Variants in ZNF222 observed in about 807,000 individuals in gnomAD.
ZNF222 encodes zinc finger protein 222.
ZNF222 carries 8 observed loss-of-function variants against 11.6 expected under a neutral mutation model. The observed-to-expected ratio is 0.69, with a 90% CI of 0.41 to 1.25. The LOEUF (loss-of-function observed/expected upper bound fraction) is 1.25. Ranked by LOEUF, ZNF222 falls within the 50% of genes most tolerant of loss-of-function variation. The pLI is 0.01. For missense variants in ZNF222, 483 were observed against 576.1 expected (o/e 0.84, Z 1.65); for synonymous variants, 171 against 195.6 (o/e 0.87, Z 1.05).
chr19:44,029,947 T>C (rs1599859742), intron 3 of ZNF222, among the ~76,000 whole-genome samples: 1 of 152,250 alleles, frequency 6.6e-6, no homozygotes, highest in East Asian at 1.9e-4. Flanking sequence ...AAGCAATTCA[T>C]GTAATGACAT....
intron 3 of ZNF222, among the ~76,000 whole-genome samples, chr19:44,029,191 G>GTTTTTTTTTTTTT (rs1171435860): frequency 5.8e-4 from 36 of 62,022 alleles, no homozygotes; most frequent in East Asian, 1.1e-3. Flanking sequence ...GTTTTGTTTT[G>GTTTTTTTTTTTTT]TTTTTTTTTT....
At position 44,025,524 on chromosome 19, in the gene ZNF222, C is replaced by T. The variant is rs1976337326; in HGVS notation, c.42+46C>T. The T allele has an allele frequency of 6.6e-7, 1 of 1,522,432 alleles. No individual in the cohort carries two copies. The highest frequency in any genetic ancestry group is 8.8e-7 in the Non-Finnish European group (1 of 1,133,714). The allele number at this position is 1,522,432 out of a possible 1,614,324, so 94.3% of individuals were successfully genotyped here. A position where few individuals can be genotyped will look rare whatever the true frequency, so the allele number is the denominator to read the frequency against. ...GGATTGCCGTTCCAGTCAGCTGAGC[C>T]TTCTGGCGTCGGGGGGCTCTGCTAG... On this transcript the variant is annotated intron_variant, in intron 1 of 3. Coordinates refer to ENST00000391960, the MANE Select transcript of ZNF222 (RefSeq NM_001129996.2). This position sits in a 1 kb window ranked among gnomAD's most constrained non-coding sequence, Gnocchi z 4.6.
At chr19:44,026,479 T>G (rs190870496) in intron 1 of ZNF222, among the ~76,000 whole-genome samples, 1 of 152,054 alleles carries the variant, frequency 6.6e-6, no homozygotes, top group African/African-American at 2.4e-5. Context: ...GAGTTTTTGT[T>G]TGTTTGCTTT....
In ZNF222 at chr19:44,026,062, T is replaced by C. The variant is rs1459371484; in HGVS notation, c.42+584T>C. 3.1e-6 allele frequency: 5 copies of C among 1,613,618 alleles called. No homozygotes were observed. The African/African-American group carries it at 5.3e-5, about 17-fold the overall frequency. The stretch of plus-strand genomic sequence containing the variant: ...TAAAAGAGCTGCAGGAAGGGACTTC[T>C]TGGCTACTGATGGCAAAGCTCTACG... On this transcript the variant is annotated intron_variant, in intron 1 of 3. Transcript: ENST00000391960.
At chr19:44,031,790 A>G (rs947168373) in intron 3 of ZNF222, 27 bp from the exon 4 acceptor site, 1 of 1,598,454 alleles carries the variant, frequency 6.3e-7, no homozygotes. Flanking sequence ...CTACTTGTCC[A>G]CATGTCTTAA....
In ZNF222 at chr19:44,027,169, G is replaced by A. The variant is rs571942494; in HGVS notation, c.169+20G>A. Reference sequence around the variant, plus strand: ...CAGTGGGTGAGGACGGGCACCCCCTGTAATGGAATGTCAGGCCCCAGGAGT... The same window carrying A: ...CAGTGGGTGAGGACGGGCACCCCCTATAATGGAATGTCAGGCCCCAGGAGT... On this transcript the variant is annotated intron_variant, in intron 2 of 3. Coordinates refer to ENST00000391960, the MANE Select transcript of ZNF222 (RefSeq NM_001129996.2). The A allele has an allele frequency of 7.4e-6, 12 of 1,613,394 alleles. No homozygotes were observed. The African/African-American group carries it at 1.5e-4, about 20-fold the overall frequency.
At position 44,025,534 on chromosome 19, in the gene ZNF222, C is replaced by CG. The variant is rs1325406247; in HGVS notation, c.42+62dup. ...TCCAGTCAGCTGAGCCTTCTGGCGT[C>CG]GGGGGGCTCTGCTAGGGTCTCAGGG... On this transcript the variant is annotated intron_variant, in intron 1 of 3. Coordinates refer to ENST00000391960, the MANE Select transcript of ZNF222 (RefSeq NM_001129996.2). This position sits in a 1 kb window ranked among gnomAD's most constrained non-coding sequence, Gnocchi z 4.6. The CG allele has an allele frequency of 3.3e-6, 5 of 1,510,612 alleles. No individual in the cohort carries two copies. Among genetic ancestry groups the CG allele is most frequent in the African/African-American group, 2.8e-5 (2 of 71,682 alleles). 93.6% of individuals were successfully genotyped at this position (1,510,612 alleles called of 1,614,324 possible).
chr19:44,032,056 G>T lies in ZNF222; in HGVS notation c.502G>T (p.Asp168Tyr), dbSNP rs538973623. 8 of 1,614,198 alleles carry T rather than the reference G, an allele frequency of 5.0e-6. No individual in the cohort carries two copies. In the Middle Eastern group the frequency reaches 4.9e-4, roughly 100 times the overall value. The change falls in exon 4 of 4, where the codon GAT (aspartate) becomes TAT (tyrosine). Residue 168 changes from aspartate (D) to tyrosine (Y), a missense_variant. Coordinates refer to ENST00000391960, the MANE Select transcript of ZNF222 (RefSeq NM_001129996.2). ...TGAAAATTGTAAACAGTTCTTCAGT[G>T]ATGTTTCCTTCTTTGATCTTCCTCA... Reference protein sequence around the residue: ...QGENCKQFFSDVSFFDLPQQL... With the variant: ...QGENCKQFFSYVSFFDLPQQL...
intron 1 of ZNF222, among the ~76,000 whole-genome samples, chr19:44,026,554 A>G (rs984125054): frequency 7.7e-6 from 1 of 129,504 alleles, no homozygotes; most frequent in African/African-American, 3.6e-5. Context: ...ATATATATAT[A>G]TATTTTTTTT....
At position 44,025,391 on chromosome 19, in the gene ZNF222, A is replaced by C. The variant is rs1188804336; in HGVS notation, c.-46A>C. 7 of 1,547,882 alleles carry C rather than the reference A, an allele frequency of 4.5e-6. No homozygotes were observed. The South Asian group carries it at 8.3e-5, about 18-fold the overall frequency. On this transcript the variant is annotated 5_prime_UTR_variant, in exon 1 of 4. Coordinates refer to ENST00000391960, the MANE Select transcript of ZNF222 (RefSeq NM_001129996.2). This position sits in a 1 kb window ranked among gnomAD's most constrained non-coding sequence, Gnocchi z 4.6. The stretch of plus-strand genomic sequence containing the variant: ...GTTTGAGTCATTTCCACATCTTGCG[A>C]GTCCTTCCGAACGAGTCTCCTTTCC...
chr19:44,028,301 T>C (rs11083735), intron 3 of ZNF222: 325,706 of 398,554 alleles, frequency 0.82, 134,784 homozygotes, highest in Non-Finnish European at 0.87. Flanking sequence ...CATCTGTAGC[T>C]TTAATCTCCC....
At position 44,032,287 on chromosome 19, in the gene ZNF222, C is replaced by T. The variant is rs147529743; in HGVS notation, c.733C>T (p.Gln245Ter). 50 of 1,613,778 alleles carry T rather than the reference C, an allele frequency of 3.1e-5. No individual in the cohort carries two copies. Among genetic ancestry groups the T allele is most frequent in the Non-Finnish European group, 4.2e-5 (50 of 1,179,976 alleles). The change falls in exon 4 of 4, where the codon CAG (glutamine) becomes TAG (stop). Residue 245 changes from glutamine (Q) to a stop codon, truncating the protein, a stop_gained. Coordinates refer to ENST00000391960, the MANE Select transcript of ZNF222 (RefSeq NM_001129996.2). LOFTEE classifies it low-confidence loss of function (END_TRUNC). The part of the protein sequence containing the change: ...HTGEKPFKCE[Q>*]CGKGFRCRSA... Reference sequence around the variant, plus strand: ...TGGAGAGAAACCATTCAAATGTGAGCAGTGTGGGAAAGGCTTCAGATGTAG... The same window carrying T: ...TGGAGAGAAACCATTCAAATGTGAGTAGTGTGGGAAAGGCTTCAGATGTAG...
chr19:44,030,009 G>T (rs560494858), intron 3 of ZNF222, among the ~76,000 whole-genome samples: 5 of 152,140 alleles, frequency 3.3e-5, no homozygotes, highest in Non-Finnish European at 5.9e-5. Flanking sequence ...TTCTTGTTTT[G>T]TAAATGTTTA....
chr19:44,027,361 A>G (rs1258137280), intron 2 of ZNF222, 37 bp from the exon 3 acceptor site: 7 of 1,588,960 alleles, frequency 4.4e-6, no homozygotes, highest in Non-Finnish European at 6.0e-6. Flanking sequence ...TACCTTGAAC[A>G]TGTTGGGATT....
At chr19:44,030,342 C>T (rs1976476595) in intron 3 of ZNF222, among the ~76,000 whole-genome samples, 1 of 152,190 alleles carries the variant, frequency 6.6e-6, no homozygotes, top group Non-Finnish European at 1.5e-5. Context: ...AGATATTAAA[C>T]ACTCTGAGGT....
At chr19:44,026,055 G>T (rs1389360772) in intron 1 of ZNF222, 1 of 1,613,224 alleles carries the variant, frequency 6.2e-7, no homozygotes, top group Non-Finnish European at 8.5e-7. Context: ...CTGCAGGAAG[G>T]GACTTCTTGG....
rs1171435860 is a variant in ZNF222, at chr19:44,029,191, G to GTTTTTTTTTTTTTTTTTTTTT, written c.262+1704_262+1724dup. On this transcript the variant is annotated intron_variant, in intron 3 of 3. Transcript: ENST00000391960. ...GACAGTTGTTGGTTTGTTTTGTTTTGTTTTTTTTTTTTTTTTTTTTTTTGT... is the reference window on the plus strand; with the variant it reads ...GACAGTTGTTGGTTTGTTTTGTTTTGTTTTTTTTTTTTTTTTTTTTTTTTTTTTTTTTTTTTTTTTTTTTGT... Among the ~76,000 whole-genome samples, 5 of 62,036 alleles carry GTTTTTTTTTTTTTTTTTTTTT rather than the reference G, an allele frequency of 8.1e-5. 1 individual carries two copies. Among genetic ancestry groups the GTTTTTTTTTTTTTTTTTTTTT allele is most frequent in the Non-Finnish European group, 8.5e-5 (3 of 35,404 alleles). 40.7% of individuals were successfully genotyped at this position (62,036 alleles called of 152,430 possible).
Position 44,025,534 on chromosome 19 carries a change from C to T in ZNF222, c.42+56C>T. On this transcript the variant is annotated intron_variant, in intron 1 of 3. Transcript: ENST00000391960. This position sits in a 1 kb window ranked among gnomAD's most constrained non-coding sequence, Gnocchi z 4.6. ...TCCAGTCAGCTGAGCCTTCTGGCGTCGGGGGGCTCTGCTAGGGTCTCAGGG... is the reference window on the plus strand; with the variant it reads ...TCCAGTCAGCTGAGCCTTCTGGCGTTGGGGGGCTCTGCTAGGGTCTCAGGG... 1 of 1,510,734 alleles carries T rather than the reference C, an allele frequency of 6.6e-7. No individual in the cohort carries two copies. Among genetic ancestry groups the T allele is most frequent in the East Asian group, 2.5e-5 (1 of 40,652 alleles). 93.6% of individuals were successfully genotyped at this position (1,510,734 alleles called of 1,614,324 possible). A position where few individuals can be genotyped will look rare whatever the true frequency, so the allele number is the denominator to read the frequency against.
In ZNF222 at chr19:44,026,554, A is replaced by ATTTTTTT. The variant is rs1329786054; in HGVS notation, c.43-468_43-467insTTTTTTT. Among the ~76,000 whole-genome samples, 402 of 129,504 alleles carry ATTTTTTT rather than the reference A, an allele frequency of 3.1e-3. 2 individuals are homozygous for ATTTTTTT. Among genetic ancestry groups the ATTTTTTT allele is most frequent in the African/African-American group, 0.014 (384 of 27,458 alleles). The allele number at this position is 129,504 out of a possible 152,430, so 85.0% of individuals were successfully genotyped here. A position where few individuals can be genotyped will look rare whatever the true frequency, so the allele number is the denominator to read the frequency against. ...TCTCTCTCTCTCTCTATATATATAT[A>ATTTTTTT]TATTTTTTTTTTTACAGAGTTTCGC... On this transcript the variant is annotated intron_variant, in intron 1 of 3. Transcript: ENST00000391960.
Sources: allele counts gnomAD v4.1 joint callset (sites outside exome capture counted in the v4.1 genomes callset), GRCh38; gene constraint gnomAD v4.1.1; non-coding constraint Gnocchi (gnomAD v3.1); transcripts MANE v1.5; gene names NCBI Gene and HGNC (gene_info 2026-07-23, HGNC 2026-07-21).